USP40: variants seen among roughly 807,000 people sequenced by gnomAD.
USP40 encodes ubiquitin carboxyl-terminal hydrolase 40.
A neutral mutation model predicts 166.2 loss-of-function variants in USP40; 143 were observed. The observed-to-expected ratio is 0.86, with a 90% confidence interval of 0.75 to 0.99. The LOEUF is 0.99. Among genes scored for constraint, USP40 ranks in the 50% least tolerant of loss-of-function variants. The probability of loss-of-function intolerance (pLI) is 0.00; values close to 1 mark genes in which losing one functional copy is unlikely to be tolerated. For missense variants in USP40, 1,444 were observed against 1,479.7 expected (o/e 0.98, Z 0.40); for synonymous variants, 498 against 524.0 (o/e 0.95, Z 0.68).
intron 18 of USP40, 50 bp downstream of exon 18, chr2:233,519,564 G>T (rs2067507797): frequency 1.6e-6 from 2 of 1,277,176 alleles, no homozygotes; most frequent in African/African-American, 1.5e-5. Context: ...TTCAATTCAA[G>T]ACCAAAATTA....
intron 8 of USP40, chr2:233,546,843 C>T (rs1227854773): frequency 1.3e-5 from 2 of 152,108 alleles, no homozygotes; most frequent in African/African-American, 4.8e-5. Context: ...ACTAAAAATA[C>T]AAGAAGGTAG....
intron 21 of USP40, among the ~76,000 whole-genome samples, chr2:233,501,358 G>C (rs1242890365): frequency 2.0e-5 from 3 of 152,210 alleles, no homozygotes; most frequent in Non-Finnish European, 4.4e-5. Flanking sequence ...ATAGGCCCTT[G>C]TGCAGACATT....
In USP40 at chr2:233,562,774, G is replaced by C; in HGVS notation, c.229C>G (p.Leu77Val). 6.5e-7 allele frequency: 1 copy of C among 1,536,466 alleles called. No individual in the cohort carries two copies. Among genetic ancestry groups the C allele is most frequent in the South Asian group, 1.2e-5 (1 of 80,976 alleles). ...TTATCCTTATCTTCAAACAAACCAA[G>C]CTCTTCTGGGCCAAGAGAAAATAGA... The part of the protein sequence containing the change: ...EALFSLGPEE[L>V]GLFEDKDKPD... Residue 77 changes from leucine (L) to valine (V), a missense_variant, in exon 3 of 32, where the codon CTT becomes GTT. Leu to Val is a conservative substitution (Grantham distance 32). Coordinates refer to ENST00000678225, the MANE Select transcript of USP40 (RefSeq NM_001365479.2).
In USP40 at chr2:233,527,492, G is replaced by A; in HGVS notation, c.1640C>T (p.Pro547Leu). Residue 547 changes from proline to leucine, a missense_variant, in exon 13 of 32, where the codon CCA (proline) becomes CTA (leucine). Coordinates refer to ENST00000678225, the MANE Select transcript of USP40 (RefSeq NM_001365479.2). The stretch of plus-strand genomic sequence containing the variant: ...CACGCTTTCTGTTTGAGAGACTACT[G>A]GGTGCAGAGCCCCATTGAAGAAATG... ...QYHFFNGALH[P>L]VVSQTESVWD... is the part of the protein sequence containing the mutation. The A allele has an allele frequency of 1.2e-6, 2 of 1,613,684 alleles. No individual in the cohort carries two copies. The highest frequency in any genetic ancestry group is 2.2e-5 in the East Asian group (1 of 44,864).
Position 233,476,979 on chromosome 2 carries a change from CGA to C in USP40, c.*411_*412del, listed in dbSNP as rs1478087918. On this transcript the variant is annotated 3_prime_UTR_variant, in exon 32 of 32. Coordinates refer to ENST00000678225, the MANE Select transcript of USP40 (RefSeq NM_001365479.2). ...ACTGTGAGAAGCCGGTCAGGGCGAA[CGA>C]GAGTCATCTGAACACGGAGGAAAGT... The C allele has an allele frequency of 6.9e-5, 22 of 320,988 alleles. No individual in the cohort carries two copies. The highest frequency in any genetic ancestry group is 3.9e-4 in the African/African-American group (18 of 45,942). 19.9% of individuals were successfully genotyped at this position (320,988 alleles called of 1,614,324 possible). A position where few individuals can be genotyped will look rare whatever the true frequency, so the allele number is the denominator to read the frequency against.
intron 11 of USP40, among the ~76,000 whole-genome samples, chr2:233,532,068 G>C (rs2068576234): frequency 2.0e-5 from 3 of 152,276 alleles, no homozygotes; most frequent in Middle Eastern, 3.4e-3. Context: ...TGACCCCAAC[G>C]AATCAGACAG....
chr2:233,552,953 G>A (rs1172277123), intron 6 of USP40, among the ~76,000 whole-genome samples: 1 of 152,180 alleles, frequency 6.6e-6, no homozygotes, highest in Non-Finnish European at 1.5e-5. Context: ...AACCCACTGA[G>A]TGAACTGAGC....
At chr2:233,558,450 C>T (rs1247229029) in intron 4 of USP40, among the ~76,000 whole-genome samples, 1 of 151,318 alleles carries the variant, frequency 6.6e-6, no homozygotes, top group African/African-American at 2.4e-5. Context: ...GAAGTATCGA[C>T]ACATACTACA....
intron 30 of USP40, among the ~76,000 whole-genome samples, chr2:233,483,719 G>A (rs2064771005): frequency 1.3e-5 from 2 of 152,090 alleles, no homozygotes; most frequent in South Asian, 4.1e-4. Flanking sequence ...CAAATTTTTG[G>A]ATTAGGGAGG....
chr2:233,497,044 A>T (rs73997634), intron 23 of USP40, among the ~76,000 whole-genome samples: 4,760 of 152,354 alleles, frequency 0.031, 221 homozygotes, highest in African/African-American at 0.096. Context: ...TGACAGAAGA[A>T]CTGAGGCAAG....
chr2:233,482,677 A>C (rs2064701450), intron 30 of USP40, among the ~76,000 whole-genome samples: 1 of 144,974 alleles, frequency 6.9e-6, no homozygotes. Flanking sequence ...TACAACCTCC[A>C]CCTCCTGGGG....
At chr2:233,566,411 C>T (rs910884787) in intron 1 of USP40, among the ~76,000 whole-genome samples, 1 of 152,210 alleles carries the variant, frequency 6.6e-6, no homozygotes, top group Non-Finnish European at 1.5e-5. Context: ...TAAAAAAACA[C>T]AACTCGAGAG....
intron 18 of USP40, among the ~76,000 whole-genome samples, chr2:233,518,897 C>A (rs1387478865): frequency 6.6e-6 from 1 of 152,128 alleles, no homozygotes; most frequent in Non-Finnish European, 1.5e-5. Flanking sequence ...AAATGTGATA[C>A]TATCCATATA....
At chr2:233,539,227 G>T (rs13002253) in intron 10 of USP40, among the ~76,000 whole-genome samples, 116,202 of 150,088 alleles carry the variant, frequency 0.77, 45,204 homozygotes, top group East Asian at 0.95. Context: ...AAAAAAATAA[G>T]AAGAATAGAG....
In USP40 at chr2:233,523,154, C is replaced by T. The variant is rs1312969927; in HGVS notation, c.2201+16G>A. 3.8e-6 allele frequency: 6 copies of T among 1,583,410 alleles called. No homozygotes were observed. The highest frequency in any genetic ancestry group is 4.5e-5 in the East Asian group (2 of 44,430). ...AATGACTTTTAGAAATCCTTTTTCT[C>T]TTGTTAGCGAGTTACCTGTTATCAT... On this transcript the variant is annotated intron_variant, in intron 16 of 31. Coordinates refer to ENST00000678225, the MANE Select transcript of USP40 (RefSeq NM_001365479.2).
At chr2:233,518,906 T>C (rs1424788693) in intron 18 of USP40, among the ~76,000 whole-genome samples, 1 of 152,168 alleles carries the variant, frequency 6.6e-6, no homozygotes, top group East Asian at 1.9e-4. Flanking sequence ...ACTATCCATA[T>C]AATGGAATAC....
intron 11 of USP40, among the ~76,000 whole-genome samples, chr2:233,531,230 C>A (rs1046848260): frequency 2.8e-4 from 42 of 152,106 alleles, no homozygotes; most frequent in African/African-American, 9.4e-4. Flanking sequence ...ATCTGTCTAC[C>A]TTTTTGCATT....
chr2:233,483,699 T>A (rs185519207), intron 30 of USP40, among the ~76,000 whole-genome samples: 2 of 152,264 alleles, frequency 1.3e-5, no homozygotes, highest in Non-Finnish European at 2.9e-5. Flanking sequence ...CAATGGAGCA[T>A]TTCAGATTTC....
At chr2:233,511,896 C>G in intron 19 of USP40, 99 bp from the exon 20 acceptor site, 1 of 1,001,834 alleles carries the variant, frequency 1.0e-6, no homozygotes, top group Non-Finnish European at 1.4e-6. Context: ...TCAAGAATAT[C>G]AAGAAAGAAG....
Sources: gnomAD v4.1 joint callset for allele counts (sites outside exome capture counted in the v4.1 genomes callset) on GRCh38, gnomAD v4.1.1 for gene constraint, MANE v1.5 for transcripts, NCBI Gene and HGNC (gene_info 2026-07-23, HGNC 2026-07-21) for gene names.